The following TCP11L2 variants were observed in gnomAD, a reference collection of about 807,000 sequenced individuals.
TCP11L2 encodes t-complex 11 like 2.
A neutral mutation model predicts 50.7 loss-of-function variants in TCP11L2; 39 were observed. The observed-to-expected ratio is 0.77, with a 90% CI of 0.60 to 1.01. TCP11L2 has a LOEUF of 1.01. Ranked by LOEUF, TCP11L2 falls within the 50% of genes least tolerant of loss-of-function variation. The pLI, the probability that TCP11L2 is intolerant of heterozygous loss-of-function variation, is 0.00. For missense variants in TCP11L2, 612 were observed against 614.7 expected (o/e 1.00, Z 0.05); for synonymous variants, 192 against 219.3 (o/e 0.88, Z 1.10).
At chr12:106,333,460 A>G (rs1258121924) in intron 6 of TCP11L2, among the ~76,000 whole-genome samples, 1 of 152,180 alleles carries the variant, frequency 6.6e-6, no homozygotes, top group African/African-American at 2.4e-5. Context: ...TAGGAGTTAA[A>G]AGTAGTTGAG....
At position 106,305,442 on chromosome 12, in the gene TCP11L2, G is replaced by A. The variant is rs190870796; in HGVS notation, c.-36+2501G>A. The stretch of plus-strand genomic sequence containing the variant: ...TTGCAAATGCACTGAAGTAGGCACT[G>A]GGAATTGGAGAGGAGAGTCATCGCT... On this transcript the variant is annotated intron_variant, in intron 1 of 9. Coordinates refer to ENST00000299045, the MANE Select transcript of TCP11L2 (RefSeq NM_152772.3). 4.6e-3 allele frequency among the ~76,000 whole-genome samples: 708 copies of A among 152,296 alleles called. 3 individuals are homozygous for A. The highest frequency in any genetic ancestry group is 8.2e-3 in the Non-Finnish European group (560 of 68,024).
At chr12:106,334,948 AAG>A (rs1459088349) in intron 6 of TCP11L2, among the ~76,000 whole-genome samples, 1 of 152,112 alleles carries the variant, frequency 6.6e-6, no homozygotes, top group African/African-American at 2.4e-5. Flanking sequence ...CTTAAAAAAA[AAG>A]AAAAGAAAGA....
At chr12:106,318,268 T>A in intron 3 of TCP11L2, 76 bp from the exon 4 acceptor site, 1 of 1,503,606 alleles carries the variant, frequency 6.7e-7, no homozygotes, top group Non-Finnish European at 9.1e-7. Context: ...ATAAGATTTC[T>A]ACAATGAGGA....
intron 9 of TCP11L2, among the ~76,000 whole-genome samples, chr12:106,342,774 G>T (rs574381760): frequency 6.6e-6 from 1 of 152,318 alleles, no homozygotes; most frequent in Non-Finnish European, 1.5e-5. Context: ...TGACTCCAGA[G>T]CTCATGTTCC....
At chr12:106,327,197 CCT>C (rs375849890) in intron 6 of TCP11L2, among the ~76,000 whole-genome samples, 74 of 151,546 alleles carry the variant, frequency 4.9e-4, no homozygotes, top group Middle Eastern at 3.4e-3. Flanking sequence ...TTTTTTCCCC[CCT>C]GTTTGTCTTT....
chr12:106,341,305 C>T (rs1213882059), intron 9 of TCP11L2, among the ~76,000 whole-genome samples: 1 of 152,108 alleles, frequency 6.6e-6, no homozygotes, highest in Non-Finnish European at 1.5e-5. Flanking sequence ...AACCAGCTGG[C>T]AGTATGTTCA....
intron 6 of TCP11L2, among the ~76,000 whole-genome samples, chr12:106,326,719 GCGTGTGCATT>G (rs2035559199): frequency 6.6e-6 from 1 of 152,174 alleles, no homozygotes; most frequent in Non-Finnish European, 1.5e-5. Context: ...CTGACTCAAA[GCGTGTGCATT>G]TAGATACTGT....
chr12:106,299,279 G>A (rs536629760), upstream of TCP11L2, among the ~76,000 whole-genome samples: 11 of 152,046 alleles, frequency 7.2e-5, no homozygotes, highest in African/African-American at 9.7e-5. Flanking sequence ...AGTTTTTGTC[G>A]TTTTTTGTTT....
chr12:106,331,578 C>T lies in TCP11L2; in HGVS notation c.773-4061C>T, dbSNP rs191175768. Among the ~76,000 whole-genome samples, 88 of 152,304 alleles carry T rather than the reference C, an allele frequency of 5.8e-4. 1 individual carries two copies. The highest frequency in any genetic ancestry group is 1.9e-3 in the African/African-American group (80 of 41,574). ...GGGGACATTTCCTTTGTGCCAGAAA[C>T]GGTTCTAAGTGTTTTGCATGTACTA... On this transcript the variant is annotated intron_variant, in intron 6 of 9. Transcript: ENST00000299045.
At chr12:106,311,258 G>A (rs1346985268) in intron 2 of TCP11L2, 26 bp downstream of exon 2, 1 of 1,609,516 alleles carries the variant, frequency 6.2e-7, no homozygotes, top group Non-Finnish European at 8.5e-7. Context: ...AGCAGGGGTT[G>A]TGGGTGGCAG....
intron 1 of TCP11L2, 29 bp from the exon 2 acceptor site, chr12:106,311,012 A>G: frequency 6.4e-7 from 1 of 1,568,452 alleles, no homozygotes; most frequent in South Asian, 1.2e-5. Flanking sequence ...ACCACAGAAC[A>G]TTGACGCAGG....
At chr12:106,312,557 C>T (rs1230021110) in intron 2 of TCP11L2, 4 of 422,926 alleles carry the variant, frequency 9.5e-6, no homozygotes, top group Non-Finnish European at 1.3e-5. Flanking sequence ...CTTCTTCCTC[C>T]TCTTTCCCTG....
chr12:106,314,418 C>G lies in TCP11L2; in HGVS notation c.218C>G (p.Ser73Ter), dbSNP rs1401939869. ...DEVMATARNLSNLTLAHEIAV... is the reference protein window; with the variant it reads ...DEVMATARNL ...GTGATGGCTACAGCAAGGAACTTAT[C>G]AAACTTGACTCTTGCTCATGAGATT... The change falls in exon 3 of 10, where the codon TCA becomes TGA. Residue 73 changes from serine (S) to a stop codon, truncating the protein, a stop_gained. Coordinates refer to ENST00000299045, the MANE Select transcript of TCP11L2 (RefSeq NM_152772.3). LOFTEE classifies it high-confidence loss of function. 1.9e-6 allele frequency: 3 copies of G among 1,613,626 alleles called. No individual in the cohort carries two copies. The highest frequency in any genetic ancestry group is 2.5e-6 in the Non-Finnish European group (3 of 1,179,660).
chr12:106,303,968 G>T (rs1375834499), intron 1 of TCP11L2: 1 of 152,216 alleles, frequency 6.6e-6, no homozygotes, highest in Non-Finnish European at 1.5e-5. Flanking sequence ...GGGTGTCTCA[G>T]CACCCATGGT....
In TCP11L2 at chr12:106,344,430, A is replaced by T. The variant is rs892746619; in HGVS notation, c.1316-1856A>T. On this transcript the variant is annotated intron_variant, in intron 9 of 9. Coordinates refer to ENST00000299045, the MANE Select transcript of TCP11L2 (RefSeq NM_152772.3). ...CCTTCTCAACTGGCAATCATATGTC[A>T]CGATAGTCTGGTAACAGATGCTAAG... Among the ~76,000 whole-genome samples, 7 of 152,306 alleles carry T rather than the reference A, an allele frequency of 4.6e-5. No homozygotes were observed. The East Asian group carries it at 5.8e-4, about 13-fold the overall frequency.
chr12:106,342,233 T>G (rs36010188), intron 9 of TCP11L2, among the ~76,000 whole-genome samples: 7,371 of 152,284 alleles, frequency 0.048, 257 homozygotes, highest in Middle Eastern at 0.088. Context: ...TCAAATGGTG[T>G]TGTTCATCCT....
intron 9 of TCP11L2, among the ~76,000 whole-genome samples, chr12:106,343,279 C>T (rs1010473344): frequency 6.6e-6 from 1 of 152,140 alleles, no homozygotes; most frequent in Non-Finnish European, 1.5e-5. Flanking sequence ...TATGGGAAAG[C>T]GTTTGGATCA....
intron 2 of TCP11L2, among the ~76,000 whole-genome samples, chr12:106,313,396 C>T (rs1042611314): frequency 2.6e-5 from 4 of 152,138 alleles, no homozygotes; most frequent in Middle Eastern, 3.2e-3. Context: ...GCCTGGCCAA[C>T]ATGGCGAAAC....
In TCP11L2 at chr12:106,334,087, A is replaced by G. The variant is rs117390672; in HGVS notation, c.773-1552A>G. Among the ~76,000 whole-genome samples the G allele has an allele frequency of 6.4e-3, 973 of 152,300 alleles. 15 individuals are homozygous for G. The highest frequency in any genetic ancestry group is 0.033 in the East Asian group (170 of 5,180). The stretch of plus-strand genomic sequence containing the variant: ...GTATCAACATTTAATGAACAGGCAG[A>G]GGAACATCTTCCTGTAATTGAAGGG... On this transcript the variant is annotated intron_variant, in intron 6 of 9. Transcript: ENST00000299045.
Sources: allele counts gnomAD v4.1 joint callset (sites outside exome capture counted in the v4.1 genomes callset), GRCh38; gene constraint gnomAD v4.1.1; transcripts MANE v1.5; gene names NCBI Gene and HGNC (gene_info 2026-07-23, HGNC 2026-07-21).